The following IL34 variants were observed in gnomAD, a reference collection of about 807,000 sequenced individuals.
The protein encoded by IL34 is interleukin-34.
Under a neutral mutation model 25.3 loss-of-function variants are expected in IL34, and 17 were observed. The observed-to-expected ratio is 0.67, with a 90% CI of 0.46 to 1.01. The LOEUF (loss-of-function observed/expected upper bound fraction) is 1.01, where lower values mean the gene tolerates loss of function less well. Among genes scored for constraint, IL34 ranks in the 50% least tolerant of loss-of-function variants. The probability of loss-of-function intolerance (pLI) is 0.00; values close to 1 mark genes in which losing one functional copy is unlikely to be tolerated. For synonymous variants in IL34, 174 were observed against 140.9 expected, an observed-to-expected ratio of 1.23 and a Z score of -1.66; for missense variants, 368 against 312.9, an observed-to-expected ratio of 1.18 and a Z score of -1.33.
At chr16:70,633,461 C>G (rs10163215) in intron 1 of IL34, among the ~76,000 whole-genome samples, 6 of 152,006 alleles carry the variant, frequency 3.9e-5, no homozygotes. Context: ...GACGTGGTCT[C>G]CCTATGTTGC....
intron 1 of IL34, among the ~76,000 whole-genome samples, chr16:70,593,470 T>G (rs1229585909): frequency 6.6e-6 from 1 of 152,138 alleles, no homozygotes; most frequent in Non-Finnish European, 1.5e-5. Context: ...AGGTCTAAGG[T>G]CTAAGGTCAG....
At chr16:70,618,179 A>G (rs567165625) in intron 1 of IL34, among the ~76,000 whole-genome samples, 3,209 of 151,954 alleles carry the variant, frequency 0.021, 124 homozygotes, top group African/African-American at 0.072. Context: ...GTACTATAGC[A>G]TAGCCTGCCT....
chr16:70,633,773 G>C (rs1172609153), intron 1 of IL34, among the ~76,000 whole-genome samples: 1 of 152,128 alleles, frequency 6.6e-6, no homozygotes. Flanking sequence ...CCCAGGTTCT[G>C]GTGTACAATT....
At chr16:70,655,638 C>A (rs1008858389) in intron 2 of IL34, among the ~76,000 whole-genome samples, 1 of 151,664 alleles carries the variant, frequency 6.6e-6, no homozygotes, top group South Asian at 2.1e-4. Context: ...GCAATATGCC[C>A]ACCTTGGCCT....
Position 70,580,707 on chromosome 16 carries a change from G to A in IL34, c.-401+658G>A, listed in dbSNP as rs1008112499. On this transcript the variant is annotated intron_variant, in intron 1 of 6. Coordinates refer to the IL34 transcript ENST00000429149. ...GAGGCAGGAGACACACTTGAAACCAGGAGGTGGAGGTTGCAGTGAGCCGAG... is the reference window on the plus strand; with the variant it reads ...GAGGCAGGAGACACACTTGAAACCAAGAGGTGGAGGTTGCAGTGAGCCGAG... Among the ~76,000 whole-genome samples the A allele has an allele frequency of 4.0e-5, 6 of 149,108 alleles. No individual in the cohort carries two copies. In the East Asian group the frequency reaches 1.2e-3, roughly 30 times the overall value.
chr16:70,652,668 A>C (rs926440973), intron 1 of IL34, among the ~76,000 whole-genome samples: 1 of 152,204 alleles, frequency 6.6e-6, no homozygotes, highest in Non-Finnish European at 1.5e-5. Flanking sequence ...GTTATAAAAT[A>C]AATGCTGCTC....
At chr16:70,630,541 C>G (rs946636392) in intron 1 of IL34, among the ~76,000 whole-genome samples, 3 of 151,398 alleles carry the variant, frequency 2.0e-5, no homozygotes, top group Non-Finnish European at 4.4e-5. Context: ...CCCTCCCTTC[C>G]CCTCCTCTCC....
At chr16:70,632,408 C>T (rs978898047) in intron 1 of IL34, among the ~76,000 whole-genome samples, 1 of 152,178 alleles carries the variant, frequency 6.6e-6, no homozygotes, top group Non-Finnish European at 1.5e-5. Flanking sequence ...AACAAAATCT[C>T]CTTTTGTAGG....
At chr16:70,619,741 GAGA>G (rs2051240943) in intron 1 of IL34, among the ~76,000 whole-genome samples, 1 of 152,128 alleles carries the variant, frequency 6.6e-6, no homozygotes, top group South Asian at 2.1e-4. Context: ...CCGCTAAGCC[GAGA>G]AGATCTGGGA....
intron 1 of IL34, among the ~76,000 whole-genome samples, chr16:70,613,127 G>A (rs1229925552): frequency 1.3e-5 from 2 of 152,152 alleles, no homozygotes; most frequent in Admixed American, 6.5e-5. Flanking sequence ...CCCACAGCAG[G>A]GCCGGTCGAA....
intron 1 of IL34, among the ~76,000 whole-genome samples, chr16:70,621,043 A>G (rs2051270390): frequency 6.6e-6 from 1 of 152,074 alleles, no homozygotes; most frequent in South Asian, 2.1e-4. Flanking sequence ...AGACACAGAG[A>G]TAAGAGTTTG....
At chr16:70,614,891 G>A (rs758584228) in intron 1 of IL34, among the ~76,000 whole-genome samples, 1 of 152,198 alleles carries the variant, frequency 6.6e-6, no homozygotes, top group Non-Finnish European at 1.5e-5. Flanking sequence ...CTGATGAACT[G>A]CAACTCCTCT....
At chr16:70,659,889 G>C in intron 5 of IL34, 108 bp from the exon 6 acceptor site, 1 of 1,479,840 alleles carries the variant, frequency 6.8e-7, no homozygotes, top group Non-Finnish European at 9.1e-7. Flanking sequence ...CTGGAAGCCA[G>C]GATGGGCCCT....
chr16:70,581,371 G>A (rs905822241), intron 1 of IL34, among the ~76,000 whole-genome samples: 14 of 151,442 alleles, frequency 9.2e-5, no homozygotes, highest in Admixed American at 3.3e-4. Flanking sequence ...TGAATAATTC[G>A]ACTTTTCTGG....
chr16:70,610,180 C>T (rs1008805055), intron 1 of IL34, among the ~76,000 whole-genome samples: 5 of 144,338 alleles, frequency 3.5e-5, no homozygotes, highest in South Asian at 2.2e-4. Flanking sequence ...CCAGCCTGGG[C>T]GAAAGAGCGA....
chr16:70,646,002 A>C (rs1379837856), upstream of IL34, among the ~76,000 whole-genome samples: 1 of 152,196 alleles, frequency 6.6e-6, no homozygotes, highest in Non-Finnish European at 1.5e-5. Flanking sequence ...GCAGTGAGCC[A>C]AAATCACGCC....
At position 70,656,992 on chromosome 16, in the gene IL34, G is replaced by T; in HGVS notation, c.273G>T (p.Arg91=). The T allele has an allele frequency of 1.9e-6, 3 of 1,611,696 alleles. No individual in the cohort carries two copies. Among genetic ancestry groups the T allele is most frequent in the Non-Finnish European group, 8.5e-7 (1 of 1,179,570 alleles). The stretch of plus-strand genomic sequence containing the variant: ...CCCAGGTGAGCGAGCGGGAGCTGCG[G>T]TATCTGTGGGTCTTGGTGAGCCTCA... ...QRAQVSEREL[R]YLWVLVSLSA... is the part of the protein sequence containing the mutation. The change falls in exon 4 of 6, where the codon CGG becomes CGT. Residue 91 remains arginine (R), a synonymous_variant. Coordinates refer to ENST00000288098, the MANE Select transcript of IL34 (RefSeq NM_001393494.1).
In IL34 at chr16:70,657,430, G is replaced by A. The variant is rs971130803; in HGVS notation, c.402+309G>A. ...CGTACCCTCTTTGTTTCTGCAACAC[G>A]AGGGTCCTGGAGGTGGGGTAGGGGG... On this transcript the variant is annotated intron_variant, in intron 4 of 5. Transcript: ENST00000288098. 3 of 294,344 alleles carry A rather than the reference G, an allele frequency of 1.0e-5. No individual in the cohort carries two copies. In the East Asian group the frequency reaches 2.1e-4, roughly 21 times the overall value. 18.2% of individuals were successfully genotyped at this position (294,344 alleles called of 1,614,324 possible). A position where few individuals can be genotyped will look rare whatever the true frequency, so the allele number is the denominator to read the frequency against.
chr16:70,645,751 G>C (rs12923637), upstream of IL34, among the ~76,000 whole-genome samples: 45,178 of 151,898 alleles, frequency 0.3, 6,946 homozygotes, highest in South Asian at 0.45. Flanking sequence ...GAGATTCAGT[G>C]AATGTAAAGA....
Sources: allele counts gnomAD v4.1 joint callset (sites outside exome capture counted in the v4.1 genomes callset), GRCh38; gene constraint gnomAD v4.1.1; transcripts MANE v1.5; gene names NCBI Gene and HGNC (gene_info 2026-07-23, HGNC 2026-07-21).